Variants in CCDC144A observed in about 807,000 individuals in gnomAD.
CCDC144A encodes the protein coiled-coil domain containing 144A, also known as coiled-coil domain-containing protein 144A.
A neutral mutation model predicts 143.8 loss-of-function variants in CCDC144A; 41 were observed. The ratio of observed to expected loss-of-function variants is 0.29; its 90% CI spans 0.22 to 0.37. CCDC144A has a LOEUF of 0.37. CCDC144A is among the 10% of genes least tolerant of loss of function. CCDC144A has a pLI of 1.00. For synonymous variants in CCDC144A, 242 were observed against 517.9 expected, an observed-to-expected ratio of 0.47 and a Z score of 7.23; for missense variants, 637 against 1,488.8, an observed-to-expected ratio of 0.43 and a Z score of 9.41.
At chr17:16,718,045 C>G (rs1912874089) in intron 6 of CCDC144A, among the ~76,000 whole-genome samples, 1 of 151,882 alleles carries the variant, frequency 6.6e-6, no homozygotes, top group Admixed American at 6.6e-5. Context: ...CTTTATTTCT[C>G]TGAGAAGGAA....
Position 16,762,902 on chromosome 17 carries a change from T to C in CCDC144A, c.3887+369T>C, listed in dbSNP as rs1041514329. Reference sequence around the variant, plus strand: ...CAGTGATACCATTATAAAAATTGCTTGTCAGTATTCCCTTAATTCAAAATA... The same window carrying C: ...CAGTGATACCATTATAAAAATTGCTCGTCAGTATTCCCTTAATTCAAAATA... On this transcript the variant is annotated intron_variant, in intron 14 of 16. Coordinates refer to ENST00000399273, the MANE Select transcript of CCDC144A (RefSeq NM_001382000.1). Among the ~76,000 whole-genome samples the C allele has an allele frequency of 2.3e-4, 33 of 141,650 alleles. 2 individuals are homozygous for C. Among genetic ancestry groups the C allele is most frequent in the African/African-American group, 8.2e-4 (28 of 34,346 alleles). The allele number at this position is 141,650 out of a possible 152,430, so 92.9% of individuals were successfully genotyped here. A position where few individuals can be genotyped will look rare whatever the true frequency, so the allele number is the denominator to read the frequency against.
At position 16,720,228 on chromosome 17, in the gene CCDC144A, C is replaced by T. The variant is rs200681750; in HGVS notation, c.1746C>T (p.Asn582=). 8.5e-5 allele frequency: 127 copies of T among 1,499,458 alleles called. No homozygotes were observed. The highest frequency in any genetic ancestry group is 1.0e-4 in the Non-Finnish European group (117 of 1,129,192). 92.9% of individuals were successfully genotyped at this position (1,499,458 alleles called of 1,614,324 possible). ...RPADKTSNEK[N]EVKNQIYPEA... ...CAGATAAAACATCTAATGAAAAGAACGAGGTATTGTAAAAAAGGAAATGAT... is the reference window on the plus strand; with the variant it reads ...CAGATAAAACATCTAATGAAAAGAATGAGGTATTGTAAAAAAGGAAATGAT... The change falls in exon 7 of 17, where the codon AAC becomes AAT. Residue 582 remains asparagine, a synonymous_variant. Transcript: ENST00000399273.
chr17:16,739,581 A>C (rs1914168187), intron 12 of CCDC144A, among the ~76,000 whole-genome samples: 1 of 147,938 alleles, frequency 6.8e-6, no homozygotes, highest in Non-Finnish European at 1.5e-5. Flanking sequence ...TGTTACTTTT[A>C]GGTATGACAT....
the CCDC144A span, among the ~76,000 whole-genome samples, chr17:16,671,031 G>A: frequency 2.6e-5 from 4 of 151,178 alleles, no homozygotes; most frequent in Non-Finnish European, 5.9e-5. Flanking sequence ...CCTGTCACCT[G>A]GTTGGAGTGC....
chr17:16,711,143 A>AAAAAAAAAAAAAAAAC (rs943374523), intron 5 of CCDC144A, among the ~76,000 whole-genome samples: 1 of 135,050 alleles, frequency 7.4e-6, no homozygotes, highest in Non-Finnish European at 1.6e-5. Context: ...AATGAAAAAA[A>AAAAAAAAAAAAAAAAC]AAAAAAAAAA....
chr17:16,693,280 A>G (rs534896813), intron 2 of CCDC144A, among the ~76,000 whole-genome samples: 1 of 151,974 alleles, frequency 6.6e-6, no homozygotes, highest in South Asian at 2.1e-4. Context: ...GGTCCCTAAA[A>G]TCCTATGTGA....
chr17:16,771,130 C>G (rs1567613480), intron 15 of CCDC144A, among the ~76,000 whole-genome samples: 2 of 152,164 alleles, frequency 1.3e-5, no homozygotes. Flanking sequence ...AATAAGAGCA[C>G]TCTAGATAGG....
intron 12 of CCDC144A, among the ~76,000 whole-genome samples, chr17:16,752,211 C>T (rs554925184): frequency 2.2e-4 from 33 of 152,274 alleles, no homozygotes; most frequent in African/African-American, 6.7e-4. Context: ...CATAGGAGCG[C>T]GAGCCGTGTT....
rs771605415 is a variant in CCDC144A, at chr17:16,737,644, C to T, written c.3372+2001C>T. ...ATTAATTTAGATGAGACACAGGATT[C>T]AAAGAAGAAATTGGGTCAAATCAGA... On this transcript the variant is annotated intron_variant, in intron 12 of 16. Coordinates refer to ENST00000399273, the MANE Select transcript of CCDC144A (RefSeq NM_001382000.1). The T allele has an allele frequency of 3.1e-6, 4 of 1,293,374 alleles. No individual in the cohort carries two copies. The South Asian group carries it at 3.7e-5, about 12-fold the overall frequency. The allele number at this position is 1,293,374 out of a possible 1,614,324, so 80.1% of individuals were successfully genotyped here. A position where few individuals can be genotyped will look rare whatever the true frequency, so the allele number is the denominator to read the frequency against.
chr17:16,671,259 A>G, the CCDC144A span, among the ~76,000 whole-genome samples: 2 of 152,118 alleles, frequency 1.3e-5, no homozygotes, highest in Non-Finnish European at 2.9e-5. Context: ...CTGGGTTAAT[A>G]GGTGTGAGCA....
At chr17:16,762,862 G>C (rs937309332) in intron 14 of CCDC144A, among the ~76,000 whole-genome samples, 5 of 150,204 alleles carry the variant, frequency 3.3e-5, no homozygotes, top group African/African-American at 1.3e-4. Context: ...TATTTATGAA[G>C]CTTCATAATT....
intron 15 of CCDC144A, among the ~76,000 whole-genome samples, chr17:16,767,629 T>C (rs1915662680): frequency 6.6e-6 from 1 of 152,270 alleles, no homozygotes; most frequent in Admixed American, 6.5e-5. Context: ...AGCACTAATA[T>C]TGGATCTGTT....
chr17:16,672,529 C>T, the CCDC144A span, among the ~76,000 whole-genome samples: 6 of 152,006 alleles, frequency 3.9e-5, no homozygotes, highest in South Asian at 2.1e-4. Context: ...AAAATAAATT[C>T]CTATTAGAAC....
rs533541622 is a variant in CCDC144A at position 16,729,013 on chromosome 17, C to T, written c.2105+1273C>T. Among the ~76,000 whole-genome samples the T allele has an allele frequency of 6.6e-5, 10 of 152,160 alleles. No individual in the cohort carries two copies. In the East Asian group the frequency reaches 1.5e-3, roughly 23 times the overall value. ...GGTTGATGGACCCTTAGGTTGATTC[C>T]GTATCTTCGCAATTGTGAAATGTGC... On this transcript the variant is annotated intron_variant, in intron 9 of 16. Coordinates refer to ENST00000399273, the MANE Select transcript of CCDC144A (RefSeq NM_001382000.1).
In CCDC144A at chr17:16,736,879, A is replaced by G. The variant is rs546556720; in HGVS notation, c.3372+1236A>G. ...TTGAGCTTCTAATAAAAAACAGGGA[A>G]AACATTTTACCAGTGTGGGATGTAC... is the stretch of plus-strand genomic sequence containing the variant. On this transcript the variant is annotated intron_variant, in intron 12 of 16. Coordinates refer to ENST00000399273, the MANE Select transcript of CCDC144A (RefSeq NM_001382000.1). Among the ~76,000 whole-genome samples, 11 of 152,100 alleles carry G rather than the reference A, an allele frequency of 7.2e-5. No homozygotes were observed. The East Asian group carries it at 2.1e-3, about 29-fold the overall frequency.
chr17:16,726,560 A>C (rs1424800373), intron 8 of CCDC144A, among the ~76,000 whole-genome samples: 1 of 151,864 alleles, frequency 6.6e-6, no homozygotes, highest in African/African-American at 2.4e-5. Context: ...TGATGACTCT[A>C]TTCATTGCCA....
chr17:16,689,182 G>A (rs1910901867), upstream of CCDC144A, among the ~76,000 whole-genome samples: 1 of 145,600 alleles, frequency 6.9e-6, no homozygotes, highest in African/African-American at 2.6e-5. Flanking sequence ...TCTTTGCTTC[G>A]TTCTCTCCTT....
chr17:16,668,079 C>G, the CCDC144A span, among the ~76,000 whole-genome samples: 341 of 134,046 alleles, frequency 2.5e-3, 6 homozygotes, highest in East Asian at 0.025. Context: ...CTTTTCGTTT[C>G]TCATGTTTGG....
At chr17:16,760,117 G>A (rs1446648877) in intron 12 of CCDC144A, among the ~76,000 whole-genome samples, 10 of 152,296 alleles carry the variant, frequency 6.6e-5, no homozygotes, top group Admixed American at 1.3e-4. Flanking sequence ...AAGGACAAGC[G>A]TCCCTAGAGA....
Sources: gnomAD v4.1 joint callset for allele counts (sites outside exome capture counted in the v4.1 genomes callset) on GRCh38, gnomAD v4.1.1 for gene constraint, MANE v1.5 for transcripts, NCBI Gene and HGNC (gene_info 2026-07-23, HGNC 2026-07-21) for gene names.